ATRNL1: variants seen among roughly 807,000 people sequenced by gnomAD.
The protein encoded by ATRNL1 is attractin like 1.
In ATRNL1, 95 loss-of-function variants were observed where a neutral mutation model predicts 182.7. The ratio of observed to expected loss-of-function variants is 0.52; its 90% CI spans 0.44 to 0.62. The LOEUF (loss-of-function observed/expected upper bound fraction) is 0.62. ATRNL1 is among the 20% of genes least tolerant of loss of function. ATRNL1 has a pLI of 0.00. For synonymous variants in ATRNL1, 576 were observed against 568.3 expected (o/e 1.01, Z -0.19); for missense variants, 1,471 against 1,679.5 (o/e 0.88, Z 2.17).
chr10:115,191,845 T>A (rs1258586694), intron 8 of ATRNL1, among the ~76,000 whole-genome samples: 4 of 152,092 alleles, frequency 2.6e-5, no homozygotes, highest in Non-Finnish European at 4.4e-5. Flanking sequence ...AATTACTCAG[T>A]CTTGGGCAGT....
chr10:115,208,014 T>G (rs1247721612), intron 8 of ATRNL1, among the ~76,000 whole-genome samples: 1 of 152,126 alleles, frequency 6.6e-6, no homozygotes, highest in Non-Finnish European at 1.5e-5. Context: ...ATCCAGGTTT[T>G]TCAATCTTTT....
At chr10:115,355,661 A>G (rs1038906466) in intron 19 of ATRNL1, among the ~76,000 whole-genome samples, 32 of 152,210 alleles carry the variant, frequency 2.1e-4, no homozygotes, top group African/African-American at 7.7e-4. Context: ...TTCCAATCCT[A>G]TATAACTAAT....
In ATRNL1 at chr10:115,449,181, C is replaced by A. The variant is rs650583; in HGVS notation, c.3323-12760C>A. ...AAAATCGCCCTGGCCCACCCCACTC[C>A]CCTGATTCTGTACCCATAAAAACCA... On this transcript the variant is annotated intron_variant, in intron 21 of 28. Transcript: ENST00000355044. Among the ~76,000 whole-genome samples, 1,211 of 152,242 alleles carry A rather than the reference C, an allele frequency of 8.0e-3. 17 individuals are homozygous for A. Among genetic ancestry groups the A allele is most frequent in the African/African-American group, 0.027 (1,117 of 41,530 alleles).
At chr10:115,230,898 AGAGAGAGAGAGAGAG>A (rs1849903512) in intron 9 of ATRNL1, among the ~76,000 whole-genome samples, 1 of 149,864 alleles carries the variant, frequency 6.7e-6, no homozygotes, top group African/African-American at 2.5e-5. Context: ...AGAGAGAGAG[AGAGAGAGAGAGAGAG>A]AGAGAGAGAA....
chr10:115,915,077 T>A (rs1555116840), intron 28 of ATRNL1, among the ~76,000 whole-genome samples: 1 of 152,214 alleles, frequency 6.6e-6, no homozygotes, highest in Non-Finnish European at 1.5e-5. Flanking sequence ...TCAAATATGT[T>A]TGTAAATGTC....
intron 19 of ATRNL1, among the ~76,000 whole-genome samples, chr10:115,346,438 C>A (rs1855977733): frequency 6.6e-6 from 1 of 152,162 alleles, no homozygotes; most frequent in Non-Finnish European, 1.5e-5. Context: ...ATGTATCAGA[C>A]TGTCTTTCCT....
At chr10:115,181,948 T>C (rs1554887900) in intron 8 of ATRNL1, among the ~76,000 whole-genome samples, 1 of 151,634 alleles carries the variant, frequency 6.6e-6, no homozygotes, top group Non-Finnish European at 1.5e-5. Flanking sequence ...CAGATAAGAA[T>C]GCAAAGAGAC....
At position 115,183,902 on chromosome 10, in the gene ATRNL1, G is replaced by A. The variant is rs192654929; in HGVS notation, c.1348+12610G>A. 5.0e-3 allele frequency among the ~76,000 whole-genome samples: 761 copies of A among 151,458 alleles called. 7 individuals are homozygous for A. The highest frequency in any genetic ancestry group is 0.017 in the African/African-American group (694 of 41,454). The stretch of plus-strand genomic sequence containing the variant: ...TAAAAATGAAATAAAACCTTTCCCC[G>A]TTAAATATCAACACAAAATTCTAAA... On this transcript the variant is annotated intron_variant, in intron 8 of 28. Transcript: ENST00000355044.
At chr10:115,836,366 AAGGTTGGTTTGTGACT>A (rs1355204413) in intron 27 of ATRNL1, among the ~76,000 whole-genome samples, 5 of 152,158 alleles carry the variant, frequency 3.3e-5, no homozygotes, top group African/African-American at 1.2e-4. Flanking sequence ...CATTCTGTTG[AAGGTTGGTTTGTGACT>A]AGGGAGACTG....
chr10:115,526,611 G>A (rs1851228672), intron 25 of ATRNL1, among the ~76,000 whole-genome samples: 1 of 152,120 alleles, frequency 6.6e-6, no homozygotes, highest in Non-Finnish European at 1.5e-5. Context: ...CACCAACATG[G>A]ATGTTGTCCT....
chr10:115,693,789 A>G (rs1200390346), intron 26 of ATRNL1, among the ~76,000 whole-genome samples: 2 of 152,136 alleles, frequency 1.3e-5, no homozygotes, highest in Non-Finnish European at 2.9e-5. Context: ...GCAATAATGC[A>G]TTATATAAGA....
In ATRNL1 at chr10:115,946,089, A is replaced by T. The variant is rs1953870725; in HGVS notation, c.*1310A>T. 6.6e-6 allele frequency: 1 copy of T among 152,228 alleles called. No homozygotes were observed. Among genetic ancestry groups the T allele is most frequent in the Admixed American group, 6.5e-5 (1 of 15,280 alleles). The allele number at this position is 152,228 out of a possible 1,614,324, so 9.4% of individuals were successfully genotyped here. ...TATAGTTTGGAATTGCAGTTTCCTC[A>T]CTTCAGGGTGACAAGATATGTATAA... On this transcript the variant is annotated 3_prime_UTR_variant, in exon 29 of 29. Coordinates refer to ENST00000355044, the MANE Select transcript of ATRNL1 (RefSeq NM_207303.4).
intron 28 of ATRNL1, among the ~76,000 whole-genome samples, chr10:115,904,230 T>C (rs1555114101): frequency 1.3e-5 from 2 of 152,190 alleles, no homozygotes; most frequent in African/African-American, 2.4e-5. Context: ...CAGCATTGGT[T>C]GGCTGGGACC....
chr10:115,256,995 C>T (rs954481784), intron 10 of ATRNL1, among the ~76,000 whole-genome samples: 42 of 152,138 alleles, frequency 2.8e-4, no homozygotes, highest in African/African-American at 9.9e-4. Flanking sequence ...TTCTGAGAGA[C>T]AGTTTTTTTG....
At chr10:115,687,459 A>T (rs574953071) in intron 26 of ATRNL1, among the ~76,000 whole-genome samples, 2 of 152,078 alleles carry the variant, frequency 1.3e-5, no homozygotes, top group East Asian at 3.9e-4. Flanking sequence ...CTCTTTTTTG[A>T]GGCTAAGTAA....
intron 26 of ATRNL1, among the ~76,000 whole-genome samples, chr10:115,622,273 T>C (rs781899166): frequency 2.6e-5 from 4 of 152,126 alleles, no homozygotes; most frequent in Non-Finnish European, 4.4e-5. Context: ...AAAAAGAACA[T>C]GTAATTTGTT....
intron 27 of ATRNL1, among the ~76,000 whole-genome samples, chr10:115,828,083 C>A (rs111301646): frequency 0.016 from 2,470 of 152,070 alleles, 83 homozygotes; most frequent in African/African-American, 0.056. Flanking sequence ...TTTGGGAGAC[C>A]GAGGTGGGCG....
chr10:115,574,577 T>C (rs1854599989), intron 26 of ATRNL1, among the ~76,000 whole-genome samples: 1 of 152,188 alleles, frequency 6.6e-6, no homozygotes, highest in South Asian at 2.1e-4. Flanking sequence ...TACTGAATAT[T>C]TGGCTGAAAT....
intron 28 of ATRNL1, among the ~76,000 whole-genome samples, chr10:115,892,403 A>G (rs559604841): frequency 2.0e-5 from 3 of 152,270 alleles, no homozygotes; most frequent in African/African-American, 7.2e-5. Flanking sequence ...ACATCTAGTA[A>G]TATACTTTCT....
Sources: allele counts gnomAD v4.1 joint callset (sites outside exome capture counted in the v4.1 genomes callset), GRCh38; gene constraint gnomAD v4.1.1; transcripts MANE v1.5; gene names NCBI Gene and HGNC (gene_info 2026-07-23, HGNC 2026-07-21).